The following GABRB3 variants were observed in gnomAD, a reference collection of about 807,000 sequenced individuals.
GABRB3 encodes gamma-aminobutyric acid type A receptor subunit beta3, also known as gamma-aminobutyric acid receptor subunit beta-3.
In GABRB3, 14 loss-of-function variants were observed where a neutral mutation model predicts 52.1. The observed-to-expected ratio is 0.27, with a 90% confidence interval of 0.18 to 0.42. The LOEUF (loss-of-function observed/expected upper bound fraction) is 0.42. GABRB3 is among the 10% of genes least tolerant of loss of function. The probability of loss-of-function intolerance (pLI) is 1.00; values close to 1 mark genes in which losing one functional copy is unlikely to be tolerated. For missense variants in GABRB3, 307 were observed against 609.1 expected (o/e 0.50, Z 5.22); for synonymous variants, 260 against 232.3 (o/e 1.12, Z -1.08).
chr15:26,742,729 G>A (rs1202293763), intron 3 of GABRB3, among the ~76,000 whole-genome samples: 1 of 152,106 alleles, frequency 6.6e-6, no homozygotes, highest in East Asian at 1.9e-4. Flanking sequence ...AAATGCTTAA[G>A]GAAAGTCCTG....
chr15:26,683,855 C>T (rs1362880735), intron 3 of GABRB3, among the ~76,000 whole-genome samples: 1 of 152,088 alleles, frequency 6.6e-6, no homozygotes, highest in Non-Finnish European at 1.5e-5. Context: ...TGTCTCCAAT[C>T]GGAGGACTGG....
intron 3 of GABRB3, chr15:26,666,342 C>A (rs1380316582): frequency 6.6e-6 from 1 of 152,172 alleles, no homozygotes; most frequent in Non-Finnish European, 1.5e-5. Context: ...TTTATTGTGA[C>A]TCTTTCTGAA....
chr15:26,625,447 G>A, intron 3 of GABRB3: 1 of 982,960 alleles, frequency 1.0e-6, no homozygotes, highest in Non-Finnish European at 1.2e-6. Context: ...CAATGATGTG[G>A]CATGAACCAA....
chr15:26,728,218 T>C (rs549447464), intron 3 of GABRB3, among the ~76,000 whole-genome samples: 3 of 152,296 alleles, frequency 2.0e-5, no homozygotes, highest in African/African-American at 4.8e-5. Flanking sequence ...ACTGTATCAA[T>C]GAGACCAAAA....
intron 3 of GABRB3, among the ~76,000 whole-genome samples, chr15:26,709,759 C>T (rs1254359046): frequency 1.3e-5 from 2 of 152,072 alleles, no homozygotes; most frequent in Non-Finnish European, 2.9e-5. Flanking sequence ...CCTTGTGATC[C>T]ACCCACCTTG....
intron 3 of GABRB3, among the ~76,000 whole-genome samples, chr15:26,708,004 A>G (rs1422675499): frequency 1.3e-5 from 2 of 152,186 alleles, no homozygotes; most frequent in Non-Finnish European, 2.9e-5. Flanking sequence ...TGCTCCAGTG[A>G]GCATTTCCTT....
chr15:26,763,902 T>C (rs1032520280), intron 3 of GABRB3, among the ~76,000 whole-genome samples: 2 of 151,658 alleles, frequency 1.3e-5, no homozygotes, highest in Non-Finnish European at 2.9e-5. Context: ...TTCCAGCACT[T>C]TGGGAGGCCG....
At chr15:26,695,814 T>G (rs1888721757) in intron 3 of GABRB3, among the ~76,000 whole-genome samples, 1 of 152,212 alleles carries the variant, frequency 6.6e-6, no homozygotes, top group Non-Finnish European at 1.5e-5. Flanking sequence ...TCCTGGAAGT[T>G]CTTCCCAAAT....
chr15:26,713,272 A>G (rs1889361644), intron 3 of GABRB3, among the ~76,000 whole-genome samples: 1 of 152,174 alleles, frequency 6.6e-6, no homozygotes, highest in African/African-American at 2.4e-5. Context: ...AGGACAGCCA[A>G]AGGAATTTCC....
intron 7 of GABRB3, among the ~76,000 whole-genome samples, chr15:26,565,515 C>T (rs974321134): frequency 6.6e-6 from 1 of 152,142 alleles, no homozygotes; most frequent in Non-Finnish European, 1.5e-5. Flanking sequence ...CCCTAGCCAG[C>T]CCATGCCTTT....
intron 3 of GABRB3, among the ~76,000 whole-genome samples, chr15:26,763,049 T>C (rs1265573678): frequency 6.6e-6 from 1 of 152,170 alleles, no homozygotes; most frequent in African/African-American, 2.4e-5. Flanking sequence ...CCCCGCCCCC[T>C]TTCTAGGATG....
In GABRB3 at chr15:26,679,711, C is replaced by T. The variant is rs139377703; in HGVS notation, c.241-58177G>A. On this transcript the variant is annotated intron_variant, in intron 3 of 8. Coordinates refer to ENST00000311550, the MANE Select transcript of GABRB3 (RefSeq NM_000814.6). Reference sequence around the variant, plus strand: ...AATCTCACTGCTTCCAGAAAGCTTCCGGAGATGGGGGAATCAGCCTGTCCC... The same window carrying T: ...AATCTCACTGCTTCCAGAAAGCTTCTGGAGATGGGGGAATCAGCCTGTCCC... Among the ~76,000 whole-genome samples the T allele has an allele frequency of 7.2e-3, 1,100 of 152,010 alleles. 16 individuals are homozygous for T. The highest frequency in any genetic ancestry group is 0.026 in the African/African-American group (1,068 of 41,466).
At chr15:26,773,727 C>G, upstream of GABRB3, 3 of 1,562,148 alleles carry the variant, frequency 1.9e-6, no homozygotes, top group Non-Finnish European at 2.6e-6. Flanking sequence ...GAGCACATGG[C>G]GCTGTTCCTC....
Position 26,642,500 on chromosome 15 carries a change from G to A in GABRB3, c.241-20966C>T, listed in dbSNP as rs1159195499. 2.3e-6 allele frequency: 3 copies of A among 1,288,798 alleles called. No homozygotes were observed. In the African/African-American group the frequency reaches 4.6e-5, roughly 20 times the overall value. The allele number at this position is 1,288,798 out of a possible 1,614,324, so 79.8% of individuals were successfully genotyped here. A position where few individuals can be genotyped will look rare whatever the true frequency, so the allele number is the denominator to read the frequency against. On this transcript the variant is annotated intron_variant, in intron 3 of 8. Coordinates refer to ENST00000311550, the MANE Select transcript of GABRB3 (RefSeq NM_000814.6). ...AAGCCACGTTAGTTCCACAGTGGCT[G>A]AATCCTAGCTGTGCAGTTCCTGCAT... is the stretch of plus-strand genomic sequence containing the variant.
At position 26,544,517 on chromosome 15, in the gene GABRB3, T is replaced by C. The variant is rs1273705568; in HGVS notation, c.*3276A>G. The C allele has an allele frequency of 6.6e-6, 1 of 152,220 alleles. No homozygotes were observed. 9.4% of individuals were successfully genotyped at this position (152,220 alleles called of 1,614,324 possible). On this transcript the variant is annotated 3_prime_UTR_variant, in exon 9 of 9. Coordinates refer to ENST00000311550, the MANE Select transcript of GABRB3 (RefSeq NM_000814.6). ...TAATGGAAATATTATCATGACATACTTTCTAGTTCGTTTGAGATTCAGGGG... is the reference window on the plus strand; with the variant it reads ...TAATGGAAATATTATCATGACATACCTTCTAGTTCGTTTGAGATTCAGGGG...
intron 3 of GABRB3, chr15:26,772,126 A>C (rs1433778024): frequency 1.3e-5 from 5 of 371,936 alleles, no homozygotes; most frequent in Non-Finnish European, 2.4e-5. Flanking sequence ...CTGGGAGCCC[A>C]CGGGCAGCGG....
At chr15:26,554,021 T>G (rs866326644) in intron 8 of GABRB3, among the ~76,000 whole-genome samples, 38 of 23,654 alleles carry the variant, frequency 1.6e-3, no homozygotes, top group African/African-American at 6.8e-3. Flanking sequence ...ACCTGACTAT[T>G]TATATATATA....
chr15:26,735,715 A>G (rs536011303), intron 3 of GABRB3, among the ~76,000 whole-genome samples: 1 of 152,248 alleles, frequency 6.6e-6, no homozygotes. Context: ...TTGGGAGGTC[A>G]AGGCAAAAGG....
At chr15:26,720,053 T>G (rs1566818229) in intron 3 of GABRB3, among the ~76,000 whole-genome samples, 1 of 152,180 alleles carries the variant, frequency 6.6e-6, no homozygotes, top group Non-Finnish European at 1.5e-5. Flanking sequence ...GGCCGGTCGT[T>G]GCCTTAACTG....
Sources: allele counts gnomAD v4.1 joint callset (sites outside exome capture counted in the v4.1 genomes callset), GRCh38; gene constraint gnomAD v4.1.1; transcripts MANE v1.5; gene names NCBI Gene and HGNC (gene_info 2026-07-23, HGNC 2026-07-21).